NIPBL: variants seen among roughly 807,000 people sequenced by gnomAD.
The protein encoded by NIPBL is nipped-B-like protein.
Under a neutral mutation model 321.8 loss-of-function variants are expected in NIPBL, and 19 were observed. That is an observed-to-expected ratio of 0.06 (90% CI 0.04 to 0.09). NIPBL has a LOEUF of 0.09. Ranked by LOEUF, NIPBL falls within the 10% of genes least tolerant of loss-of-function variation. The pLI is 1.00. For synonymous variants in NIPBL, 1,106 were observed against 1,114.1 expected, an observed-to-expected ratio of 0.99 and a Z score of 0.14; for missense variants, 2,210 against 3,327.0, an observed-to-expected ratio of 0.66 and a Z score of 8.26.
At position 36,919,607 on chromosome 5, in the gene NIPBL, A is replaced by G. The variant is rs111601905; in HGVS notation, c.-79-34011A>G. ...GATGAAGGTTACAATGCTTATTGCA[A>G]TATTGCAATAGAAAAGGAGCTTTCA... On this transcript the variant is annotated intron_variant, in intron 1 of 46. Transcript: ENST00000282516. Among the ~76,000 whole-genome samples the G allele has an allele frequency of 4.2e-3, 642 of 152,344 alleles. 3 individuals carry two copies. The highest frequency in any genetic ancestry group is 7.5e-3 in the Non-Finnish European group (512 of 68,024).
intron 1 of NIPBL, among the ~76,000 whole-genome samples, chr5:36,896,763 TA>T (rs1220059862): frequency 6.6e-6 from 1 of 152,064 alleles, no homozygotes; most frequent in African/African-American, 2.4e-5. Context: ...CATGCCTGGC[TA>T]ATTTTTGTAT....
Position 37,013,487 on chromosome 5 carries a change from C to T in NIPBL, c.4561-1196C>T, listed in dbSNP as rs529219894. 2.6e-5 allele frequency among the ~76,000 whole-genome samples: 4 copies of T among 151,758 alleles called. No individual in the cohort carries two copies. The East Asian group carries it at 7.8e-4, about 30-fold the overall frequency. On this transcript the variant is annotated intron_variant, in intron 21 of 46. Transcript: ENST00000282516. Reference sequence around the variant, plus strand: ...CCGGGCGGAGGGGCTCCTCACTTCTCAGACGGGGCGGTTGCCAGGCAGAGG... The same window carrying T: ...CCGGGCGGAGGGGCTCCTCACTTCTTAGACGGGGCGGTTGCCAGGCAGAGG...
chr5:37,013,118 T>C (rs376466631), intron 21 of NIPBL, among the ~76,000 whole-genome samples: 9 of 129,152 alleles, frequency 7.0e-5, no homozygotes, highest in Non-Finnish European at 9.8e-5. Context: ...TAGGGGCGGC[T>C]GGGCAGAGGC....
chr5:36,902,781 T>G (rs912277625), intron 1 of NIPBL, among the ~76,000 whole-genome samples: 7 of 151,902 alleles, frequency 4.6e-5, no homozygotes, highest in East Asian at 3.9e-4. Flanking sequence ...TGTTTTTTGG[T>G]TTTTTTTCCT....
chr5:37,014,841 T>C, intron 22 of NIPBL, 76 bp downstream of exon 22: 1 of 869,496 alleles, frequency 1.2e-6, no homozygotes, highest in South Asian at 1.4e-5. Flanking sequence ...AAAAGATGAA[T>C]CCAATTTCCT....
chr5:36,920,722 A>G (rs377551376), intron 1 of NIPBL, among the ~76,000 whole-genome samples: 1 of 152,180 alleles, frequency 6.6e-6, no homozygotes, highest in Non-Finnish European at 1.5e-5. Context: ...ACCCGCCACT[A>G]AGTACTGTGC....
intron 32 of NIPBL, 32 bp from the exon 33 acceptor site, chr5:37,036,347 G>GTGTATATATATATGTATA (rs767653666): frequency 2.8e-6 from 1 of 355,140 alleles, no homozygotes; most frequent in African/African-American, 2.5e-5. Flanking sequence ...ATATATATAT[G>GTGTATATATATATGTATA]TATATATATA....
chr5:37,000,886 A>C lies in NIPBL; in HGVS notation c.3572A>C (p.Glu1191Ala). Residue 1191 changes from glutamate (E) to alanine (A), a missense_variant and splice_region_variant, in exon 13 of 47, where the codon GAA becomes GCA. By Grantham distance (107) the Glu-to-Ala change is moderately radical. Transcript: ENST00000282516. ...RKAYEPKLTP[E>A]EMMDSSTFKR... The stretch of plus-strand genomic sequence containing the variant: ...GCATATGAACCAAAACTAACACCTG[A>C]AGGTAACACGTTAGTTTATTTAATT... The C allele has an allele frequency of 1.2e-6, 2 of 1,610,252 alleles. No individual in the cohort carries two copies. The highest frequency in any genetic ancestry group is 1.7e-6 in the Non-Finnish European group (2 of 1,176,908).
intron 10 of NIPBL, among the ~76,000 whole-genome samples, chr5:36,992,667 G>C (rs1254304252): frequency 2.0e-5 from 3 of 151,926 alleles, no homozygotes; most frequent in Non-Finnish European, 4.4e-5. Flanking sequence ...GATCCTTGAT[G>C]TCATATTGAA....
chr5:36,983,820 T>G (rs1477979364), intron 9 of NIPBL, among the ~76,000 whole-genome samples: 1 of 151,518 alleles, frequency 6.6e-6, no homozygotes, highest in Non-Finnish European at 1.5e-5. Flanking sequence ...GTGTGTGTGT[T>G]TGTCTTTACA....
In NIPBL at chr5:36,901,828, G is replaced by A. The variant is rs112869163; in HGVS notation, c.-80+24650G>A. ...CCAGCCCTAAGTTCTTTGAGAAATTGCTGAACTGTTTTCCACAGTGGCTGA... is the reference window on the plus strand; with the variant it reads ...CCAGCCCTAAGTTCTTTGAGAAATTACTGAACTGTTTTCCACAGTGGCTGA... On this transcript the variant is annotated intron_variant, in intron 1 of 46. Coordinates refer to ENST00000282516, the MANE Select transcript of NIPBL (RefSeq NM_133433.4). Among the ~76,000 whole-genome samples, 917 of 152,186 alleles carry A rather than the reference G, an allele frequency of 6.0e-3. 11 individuals carry two copies. Among genetic ancestry groups the A allele is most frequent in the African/African-American group, 0.021 (873 of 41,538 alleles).
chr5:37,016,238 C>A, intron 23 of NIPBL, 68 bp downstream of exon 23: 1 of 1,462,872 alleles, frequency 6.8e-7, no homozygotes, highest in Non-Finnish European at 9.6e-7. Flanking sequence ...TACTCTGATT[C>A]ACAGATGATG....
chr5:37,014,224 G>A (rs557804928), intron 21 of NIPBL, among the ~76,000 whole-genome samples: 1 of 146,586 alleles, frequency 6.8e-6, no homozygotes, highest in African/African-American at 2.4e-5. Flanking sequence ...AGACCGTGGA[G>A]AGGGAGAGGG....
At chr5:36,953,842 T>C in intron 2 of NIPBL, 82 bp downstream of exon 2, 2 of 1,228,824 alleles carry the variant, frequency 1.6e-6, no homozygotes, top group Non-Finnish European at 2.4e-6. Flanking sequence ...AAAATTATTA[T>C]AGGTTCTTTA....
At chr5:36,886,376 G>A in intron 1 of NIPBL, 5 of 724,946 alleles carry the variant, frequency 6.9e-6, no homozygotes, top group Non-Finnish European at 1.3e-5. Context: ...AAGAACTTCA[G>A]TCTTGATGAT....
chr5:37,027,109 T>C (rs1447928520), intron 31 of NIPBL, among the ~76,000 whole-genome samples: 1 of 152,188 alleles, frequency 6.6e-6, no homozygotes, highest in Non-Finnish European at 1.5e-5. Context: ...CTTATGCCAC[T>C]TTAAACATTT....
chr5:37,009,960 C>T lies in NIPBL; in HGVS notation c.4422-127C>T, dbSNP rs574697276. On this transcript the variant is annotated intron_variant, in intron 20 of 46. Coordinates refer to ENST00000282516, the MANE Select transcript of NIPBL (RefSeq NM_133433.4). ...TACAACAAATAATTACACATAAGAA[C>T]ACAATAAGCACTAAGATCATGCCTA... 5.1e-4 allele frequency: 372 copies of T among 730,036 alleles called. No homozygotes were observed. The African/African-American group carries it at 5.7e-3, about 11-fold the overall frequency. The allele number at this position is 730,036 out of a possible 1,614,324, so 45.2% of individuals were successfully genotyped here.
intron 1 of NIPBL, among the ~76,000 whole-genome samples, chr5:36,949,413 C>A (rs1273289677): frequency 6.6e-6 from 1 of 151,682 alleles, no homozygotes; most frequent in Admixed American, 6.6e-5. Flanking sequence ...AGCTGTATGG[C>A]CTTAGGCAAA....
intron 30 of NIPBL, among the ~76,000 whole-genome samples, chr5:37,025,665 T>C (rs1306436875): frequency 6.6e-6 from 1 of 152,146 alleles, no homozygotes; most frequent in Non-Finnish European, 1.5e-5. Context: ...AGAATGGAAA[T>C]AGGATGTTCC....
Sources: gnomAD v4.1 joint callset for allele counts (sites outside exome capture counted in the v4.1 genomes callset) on GRCh38, gnomAD v4.1.1 for gene constraint, MANE v1.5 for transcripts, NCBI Gene and HGNC (gene_info 2026-07-23, HGNC 2026-07-21) for gene names.